CDH2: variants seen among roughly 807,000 people sequenced by gnomAD.
CDH2 encodes cadherin 2, also known as cadherin-2.
In CDH2, 17 loss-of-function variants were observed where a neutral mutation model predicts 92.0. That is an observed-to-expected ratio of 0.18 (90% CI 0.13 to 0.28). CDH2 has a LOEUF of 0.28. Ranked by LOEUF, CDH2 falls within the 10% of genes least tolerant of loss-of-function variation. The pLI, the probability that CDH2 is intolerant of heterozygous loss-of-function variation, is 1.00. For missense variants in CDH2, 862 were observed against 1,133.1 expected, an observed-to-expected ratio of 0.76 and a Z score of 3.44; for synonymous variants, 419 against 415.9, an observed-to-expected ratio of 1.01 and a Z score of -0.09.
At chr18:28,137,992 G>A (rs2015892098) in intron 2 of CDH2, among the ~76,000 whole-genome samples, 1 of 151,774 alleles carries the variant, frequency 6.6e-6, no homozygotes, top group African/African-American at 2.4e-5. Context: ...GAAATTCATG[G>A]ACTAATTTTT....
downstream of CDH2, among the ~76,000 whole-genome samples, chr18:27,945,985 A>C (rs1177498835): frequency 6.6e-6 from 1 of 152,242 alleles, no homozygotes; most frequent in Non-Finnish European, 1.5e-5. Flanking sequence ...CAAACAAAAA[A>C]TCAGCAAAAG....
intron 1 of CDH2, among the ~76,000 whole-genome samples, chr18:28,161,282 T>C (rs2016302668): frequency 6.6e-6 from 1 of 151,960 alleles, no homozygotes; most frequent in African/African-American, 2.4e-5. Context: ...TTGGGAACTC[T>C]TTAAAAAGTA....
At chr18:27,993,392 T>A in intron 8 of CDH2, 108 bp downstream of exon 8, 1 of 1,065,698 alleles carries the variant, frequency 9.4e-7, no homozygotes, top group East Asian at 2.5e-5. Context: ...CATGCTACTA[T>A]TAGGTGAAGC....
At chr18:28,166,947 T>C (rs1598522525) in intron 1 of CDH2, among the ~76,000 whole-genome samples, 1 of 152,040 alleles carries the variant, frequency 6.6e-6, no homozygotes, top group African/African-American at 2.4e-5. Flanking sequence ...TTAAAAAAGA[T>C]ATACAAATAT....
At chr18:28,062,760 G>A (rs1299723855) in intron 2 of CDH2, among the ~76,000 whole-genome samples, 1 of 152,160 alleles carries the variant, frequency 6.6e-6, no homozygotes, top group African/African-American at 2.4e-5. Context: ...GATGACTTGA[G>A]GTCAGGAGTT....
Position 27,985,516 on chromosome 18 carries a change from A to T in CDH2, c.1975+12T>A, listed in dbSNP as rs774133992. 2.1e-5 allele frequency: 33 copies of T among 1,537,392 alleles called. No homozygotes were observed. The highest frequency in any genetic ancestry group is 3.0e-5 in the Non-Finnish European group (33 of 1,112,402). ...AACTGCACATATATTCAAATAATTA[A>T]CCTGTTCTTACCATTAAGCCGAGTG... On this transcript the variant is annotated intron_variant, in intron 12 of 15. Coordinates refer to ENST00000269141, the MANE Select transcript of CDH2 (RefSeq NM_001792.5).
At chr18:28,059,773 G>C (rs1003085993) in intron 2 of CDH2, among the ~76,000 whole-genome samples, 1 of 152,182 alleles carries the variant, frequency 6.6e-6, no homozygotes, top group Non-Finnish European at 1.5e-5. Flanking sequence ...GTAAATGTAT[G>C]TATATTATAT....
At chr18:28,052,052 A>G (rs1314442060) in intron 2 of CDH2, among the ~76,000 whole-genome samples, 1 of 152,180 alleles carries the variant, frequency 6.6e-6, no homozygotes, top group Non-Finnish European at 1.5e-5. Context: ...TAAAACAACA[A>G]CGATGTCATT....
chr18:28,033,636 G>GAT (rs963930881), intron 2 of CDH2, among the ~76,000 whole-genome samples: 2 of 152,010 alleles, frequency 1.3e-5, no homozygotes, highest in African/African-American at 4.8e-5. Context: ...ATATGAGGAA[G>GAT]ACCATTAGTG....
rs541231814 is a variant in CDH2, at chr18:27,970,412, A to C, written c.2350-6891T>G. On this transcript the variant is annotated intron_variant, in intron 14 of 15. Transcript: ENST00000269141. ...ATGACCTATTAATTCATCTCAGAGA[A>C]AACATAAAAATAGGTAATTTGGTTG... is the stretch of plus-strand genomic sequence containing the variant. Among the ~76,000 whole-genome samples the C allele has an allele frequency of 3.3e-5, 5 of 152,356 alleles. No individual in the cohort carries two copies. In the East Asian group the frequency reaches 9.6e-4, roughly 29 times the overall value.
At chr18:28,133,830 G>A (rs2015816145) in intron 2 of CDH2, among the ~76,000 whole-genome samples, 1 of 151,966 alleles carries the variant, frequency 6.6e-6, no homozygotes, top group African/African-American at 2.4e-5. Context: ...GCTGCTTCAT[G>A]ATGGCTACAT....
downstream of CDH2, among the ~76,000 whole-genome samples, chr18:27,949,599 T>C (rs916376471): frequency 1.3e-5 from 2 of 151,910 alleles, no homozygotes; most frequent in Non-Finnish European, 2.9e-5. Flanking sequence ...TACAGAATAA[T>C]ACATAATGTA....
Position 28,009,781 on chromosome 18 carries a change from T to C in CDH2, c.638A>G (p.Asn213Ser), listed in dbSNP as rs1445536352. The change falls in exon 5 of 16, where the codon AAC (asparagine) becomes AGC (serine). Residue 213 changes from asparagine to serine, a missense_variant. Asn to Ser is a conservative substitution (Grantham distance 46, BLOSUM62 1). Coordinates refer to ENST00000269141, the MANE Select transcript of CDH2 (RefSeq NM_001792.5). ...CACCGACAGCTGACCCGAGATGGGG[T>C]TGATAATGAAGATACCAGTTGGAGG... Reference protein sequence around the residue: ...DQPPTGIFIINPISGQLSVTK... With the variant: ...DQPPTGIFIISPISGQLSVTK... The C allele has an allele frequency of 2.5e-6, 4 of 1,613,814 alleles. No individual in the cohort carries two copies. Among genetic ancestry groups the C allele is most frequent in the Non-Finnish European group, 3.4e-6 (4 of 1,179,962 alleles).
At chr18:28,056,966 A>G (rs978889349) in intron 2 of CDH2, among the ~76,000 whole-genome samples, 19 of 152,248 alleles carry the variant, frequency 1.2e-4, no homozygotes, top group African/African-American at 4.1e-4. Flanking sequence ...AATTTTGGTT[A>G]TTGTGTTGAA....
chr18:27,999,675 CAT>C (rs71378904), intron 7 of CDH2, among the ~76,000 whole-genome samples: 2,767 of 148,892 alleles, frequency 0.019, 36 homozygotes, highest in African/African-American at 0.038. Context: ...TACATATATA[CAT>C]ATATATATGT....
intron 15 of CDH2, among the ~76,000 whole-genome samples, chr18:27,958,131 A>G (rs1313941486): frequency 1.3e-5 from 2 of 152,220 alleles, no homozygotes; most frequent in Non-Finnish European, 2.9e-5. Flanking sequence ...AAAACTGAAA[A>G]GGTTAAAGGC....
intron 6 of CDH2, among the ~76,000 whole-genome samples, chr18:27,936,146 T>G (rs1909013643): frequency 6.6e-6 from 1 of 152,208 alleles, no homozygotes; most frequent in South Asian, 2.1e-4. Context: ...AATGAACAAT[T>G]GCTGTGATAA....
At chr18:27,945,239 A>T (rs527791339) in intron 6 of CDH2, among the ~76,000 whole-genome samples, 1 of 151,938 alleles carries the variant, frequency 6.6e-6, no homozygotes, top group Non-Finnish European at 1.5e-5. Context: ...TGCTGCATGA[A>T]AAAAAAGAGA....
chr18:28,096,108 G>A (rs1324572082), intron 2 of CDH2, among the ~76,000 whole-genome samples: 1 of 152,104 alleles, frequency 6.6e-6, no homozygotes, highest in Non-Finnish European at 1.5e-5. Flanking sequence ...AACAGTATGA[G>A]GTGCTATTCC....
Sources: allele counts gnomAD v4.1 joint callset (sites outside exome capture counted in the v4.1 genomes callset), GRCh38; gene constraint gnomAD v4.1.1; transcripts MANE v1.5; gene names NCBI Gene and HGNC (gene_info 2026-07-23, HGNC 2026-07-21).